C8orf34: variants seen among roughly 807,000 people sequenced by gnomAD.
C8orf34 encodes the protein chromosome 8 open reading frame 34.
Under a neutral mutation model 68.3 loss-of-function variants are expected in C8orf34, and 65 were observed. The ratio of observed to expected loss-of-function variants is 0.95; its 90% CI spans 0.78 to 1.17. The LOEUF (loss-of-function observed/expected upper bound fraction) is 1.17, where lower values mean the gene tolerates loss of function less well. Among genes scored for constraint, C8orf34 ranks in the 50% most tolerant of loss-of-function variants. The pLI, the probability that C8orf34 is intolerant of heterozygous loss-of-function variation, is 0.00. For synonymous variants in C8orf34, 244 were observed against 241.2 expected (o/e 1.01, Z -0.11); for missense variants, 664 against 655.4 (o/e 1.01, Z -0.14).
chr8:68,742,950 C>G (rs1269208186), intron 10 of C8orf34, among the ~76,000 whole-genome samples: 1 of 152,156 alleles, frequency 6.6e-6, no homozygotes, highest in African/African-American at 2.4e-5. Context: ...GCTTCCTGAC[C>G]ATCCATCTTA....
intron 1 of C8orf34, among the ~76,000 whole-genome samples, chr8:68,409,003 G>A (rs865953601): frequency 1.3e-5 from 2 of 152,006 alleles, no homozygotes; most frequent in African/African-American, 4.8e-5. Context: ...TGGCCAGCCT[G>A]ATCTTGAACT....
intron 4 of C8orf34, among the ~76,000 whole-genome samples, chr8:68,484,237 C>G (rs1334215902): frequency 6.6e-6 from 1 of 152,178 alleles, no homozygotes; most frequent in Non-Finnish European, 1.5e-5. Context: ...CACTCACTAT[C>G]ATGAGAGCGG....
chr8:68,756,461 A>G (rs1006990460), intron 10 of C8orf34, among the ~76,000 whole-genome samples: 5 of 152,176 alleles, frequency 3.3e-5, no homozygotes, highest in Non-Finnish European at 7.4e-5. Context: ...TCTGCTGGGC[A>G]TTCTGTTGAT....
Position 68,404,477 on chromosome 8 carries a change from C to A in C8orf34, c.328-35022C>A, listed in dbSNP as rs543653155. On this transcript the variant is annotated intron_variant, in intron 1 of 13. Coordinates refer to ENST00000518698, the MANE Select transcript of C8orf34 (RefSeq NM_052958.4). ...GCCTATGTCCTGAATGGTATTGCCT[C>A]GGTTTTCTTCTAGGGTTTTTATGGT... Among the ~76,000 whole-genome samples the A allele has an allele frequency of 4.6e-4, 70 of 151,984 alleles. No individual in the cohort carries two copies. The South Asian group carries it at 5.2e-3, about 11-fold the overall frequency.
intron 1 of C8orf34, among the ~76,000 whole-genome samples, chr8:68,388,870 G>A (rs1423069327): frequency 2.6e-5 from 4 of 152,136 alleles, no homozygotes; most frequent in Non-Finnish European, 4.4e-5. Flanking sequence ...TGCTGATGCT[G>A]CTGGTCCAGG....
chr8:68,382,776 T>C (rs1808096384), intron 1 of C8orf34, among the ~76,000 whole-genome samples: 1 of 152,254 alleles, frequency 6.6e-6, no homozygotes, highest in Non-Finnish European at 1.5e-5. Flanking sequence ...TTTTTTATTT[T>C]ATACTTTCCT....
At chr8:68,345,577 T>C (rs1037771292) in intron 1 of C8orf34, among the ~76,000 whole-genome samples, 1 of 151,950 alleles carries the variant, frequency 6.6e-6, no homozygotes, top group Non-Finnish European at 1.5e-5. Context: ...ATATTCATAG[T>C]AGGAAAATTT....
Position 68,784,129 on chromosome 8 carries a change from TA to T in C8orf34, c.1456-3313del, listed in dbSNP as rs1315567075. Among the ~76,000 whole-genome samples, 3 of 152,266 alleles carry T rather than the reference TA, an allele frequency of 2.0e-5. No homozygotes were observed. In the East Asian group the frequency reaches 5.8e-4, roughly 30 times the overall value. On this transcript the variant is annotated intron_variant, in intron 11 of 13. Coordinates refer to ENST00000518698, the MANE Select transcript of C8orf34 (RefSeq NM_052958.4). ...CCATGATCGCATCCAGGATCCACAT[TA>T]CATTTAGTCATTGTGTCTCCTTAGG...
chr8:68,670,297 C>T (rs1819968483), intron 8 of C8orf34, among the ~76,000 whole-genome samples: 1 of 152,142 alleles, frequency 6.6e-6, no homozygotes, highest in Non-Finnish European at 1.5e-5. Context: ...GGGAAGGACT[C>T]CCTCTGGAAT....
intron 12 of C8orf34, among the ~76,000 whole-genome samples, chr8:68,802,997 TAA>T (rs1385295833): frequency 6.6e-6 from 1 of 152,064 alleles, no homozygotes; most frequent in East Asian, 1.9e-4. Flanking sequence ...GTATATCTAT[TAA>T]AAATTAAATT....
At chr8:68,796,643 C>G (rs1305880458) in intron 12 of C8orf34, among the ~76,000 whole-genome samples, 1 of 151,996 alleles carries the variant, frequency 6.6e-6, no homozygotes, top group Non-Finnish European at 1.5e-5. Flanking sequence ...ATGAACAGAT[C>G]AAATATAATA....
intron 7 of C8orf34, among the ~76,000 whole-genome samples, chr8:68,613,980 T>C (rs1818110650): frequency 6.6e-6 from 1 of 152,232 alleles, no homozygotes; most frequent in South Asian, 2.1e-4. Flanking sequence ...ATGATTGGCA[T>C]TCTAACTGGT....
intron 3 of C8orf34, among the ~76,000 whole-genome samples, chr8:68,460,300 C>T (rs561794824): frequency 6.6e-6 from 1 of 152,326 alleles, no homozygotes; most frequent in African/African-American, 2.4e-5. Context: ...GCTCGAACTG[C>T]TTGGAGCCCA....
chr8:68,421,666 A>G (rs925936727), intron 1 of C8orf34, among the ~76,000 whole-genome samples: 1 of 152,170 alleles, frequency 6.6e-6, no homozygotes, highest in Non-Finnish European at 1.5e-5. Flanking sequence ...GCAAGGCCTG[A>G]GGCTGAACAA....
chr8:68,654,269 G>C (rs1294119052), intron 8 of C8orf34, among the ~76,000 whole-genome samples: 3 of 152,238 alleles, frequency 2.0e-5, no homozygotes, highest in Non-Finnish European at 4.4e-5. Context: ...GCCTACAGAA[G>C]TGTGAGCAAT....
intron 1 of C8orf34, among the ~76,000 whole-genome samples, chr8:68,423,287 A>C (rs970972470): frequency 1.3e-5 from 2 of 152,160 alleles, no homozygotes; most frequent in African/African-American, 4.8e-5. Flanking sequence ...CTTCTGCCAG[A>C]TACCCTAAAT....
chr8:68,735,196 AG>A lies in C8orf34; in HGVS notation c.1404+13760del, dbSNP rs200710696. 5.7e-3 allele frequency among the ~76,000 whole-genome samples: 867 copies of A among 152,254 alleles called. 8 individuals are homozygous for A. Among genetic ancestry groups the A allele is most frequent in the African/African-American group, 0.02 (821 of 41,544 alleles). On this transcript the variant is annotated intron_variant, in intron 10 of 13. Coordinates refer to ENST00000518698, the MANE Select transcript of C8orf34 (RefSeq NM_052958.4). ...GGATTCAAATAATCACTTTCCCACT[AG>A]TTTCTGGAGGCCAGGGAGTATGTAC...
chr8:68,614,206 T>C (rs919765903), intron 7 of C8orf34, among the ~76,000 whole-genome samples: 18 of 152,122 alleles, frequency 1.2e-4, no homozygotes, highest in African/African-American at 4.1e-4. Flanking sequence ...GTCAGATGAG[T>C]AGGTTGCGAA....
At chr8:68,582,312 C>G (rs1817088944) in intron 7 of C8orf34, among the ~76,000 whole-genome samples, 1 of 152,156 alleles carries the variant, frequency 6.6e-6, no homozygotes, top group Admixed American at 6.6e-5. Flanking sequence ...TTCTTGGCCT[C>G]TCAGTGTGGC....
Sources: allele counts gnomAD v4.1 joint callset (sites outside exome capture counted in the v4.1 genomes callset), GRCh38; gene constraint gnomAD v4.1.1; transcripts MANE v1.5; gene names NCBI Gene and HGNC (gene_info 2026-07-23, HGNC 2026-07-21).